The following PTPRH variants were observed in gnomAD, a reference collection of about 807,000 sequenced individuals.
The protein encoded by PTPRH is protein tyrosine phosphatase receptor type H.
A neutral mutation model predicts 130.2 loss-of-function variants in PTPRH; 113 were observed. The ratio of observed to expected loss-of-function variants is 0.87; its 90% CI spans 0.75 to 1.01. PTPRH has a LOEUF of 1.01. PTPRH is among the 50% of genes least tolerant of loss of function. The pLI, the probability that PTPRH is intolerant of heterozygous loss-of-function variation, is 0.00. For missense variants in PTPRH, 1,430 were observed against 1,425.0 expected (o/e 1.00, Z -0.06); for synonymous variants, 556 against 577.9 (o/e 0.96, Z 0.54).
intron 14 of PTPRH, among the ~76,000 whole-genome samples, chr19:55,187,092 T>C (rs557265344): frequency 4.1e-5 from 6 of 146,488 alleles, no homozygotes; most frequent in South Asian, 4.3e-4. Context: ...ACGCCCGTAA[T>C]CCCAGCACTT....
Position 55,209,274 on chromosome 19 carries a change from G to A in PTPRH, c.51+109C>T. ...CTGAAGCCCTCTTCCTTCTCCAGGG[G>A]ATCTTCAGCACCTACTTCCTCAAGA... On this transcript the variant is annotated intron_variant, in intron 1 of 19. Transcript: ENST00000376350. The surrounding 1 kb of genome is among the most constrained non-coding windows in gnomAD (Gnocchi z 4.1). The A allele has an allele frequency of 2.1e-6, 2 of 937,570 alleles. No individual in the cohort carries two copies. The highest frequency in any genetic ancestry group is 5.2e-5 in the East Asian group (2 of 38,208). The allele number at this position is 937,570 out of a possible 1,614,324, so 58.1% of individuals were successfully genotyped here. A position where few individuals can be genotyped will look rare whatever the true frequency, so the allele number is the denominator to read the frequency against.
At chr19:55,187,386 G>GAA (rs929088425) in intron 14 of PTPRH, 127 bp downstream of exon 14, 21 of 338,232 alleles carry the variant, frequency 6.2e-5, no homozygotes, top group Middle Eastern at 6.4e-4. Flanking sequence ...AAAAAAGGAA[G>GAA]AAAAAAAAAA....
At chr19:55,187,800 C>T (rs2086405663) in intron 13 of PTPRH, among the ~76,000 whole-genome samples, 197 bp from the exon 14 acceptor site, 1 of 152,044 alleles carries the variant, frequency 6.6e-6, no homozygotes, top group South Asian at 2.1e-4. Context: ...ATTTAGGGAA[C>T]CATGGGACTT....
At chr19:55,194,057 T>G in intron 10 of PTPRH, 1 of 773,670 alleles carries the variant, frequency 1.3e-6, no homozygotes, top group South Asian at 1.6e-5. Context: ...TCCATGTTCG[T>G]CAGGCTGGTC....
rs372963277 is a variant in PTPRH at position 55,182,112 on chromosome 19, G to A, written c.3102C>T (p.Asp1034=). ...VGRTGTLIAL[D]VLLRQLQSEG... ...CGGACTGCAGCTGCCGGAGCAGGAC[G>A]TCCAGGGCAATGAGGGTTCCTGTGC... The change falls in exon 19 of 20, where the codon GAC becomes GAT. Residue 1034 remains aspartate (D), a synonymous_variant. Coordinates refer to ENST00000376350, the MANE Select transcript of PTPRH (RefSeq NM_002842.5). 1.7e-5 allele frequency: 28 copies of A among 1,613,946 alleles called. No homozygotes were observed. Among genetic ancestry groups the A allele is most frequent in the Middle Eastern group, 3.3e-4 (2 of 6,084 alleles).
chr19:55,184,241 G>A (rs11671671), intron 18 of PTPRH, among the ~76,000 whole-genome samples: 7,579 of 151,702 alleles, frequency 0.05, 256 homozygotes, highest in Middle Eastern at 0.14. Context: ...CCGAGATCAT[G>A]CCACTGCACT....
intron 5 of PTPRH, 133 bp from the exon 6 acceptor site, chr19:55,202,455 G>C: frequency 2.2e-6 from 3 of 1,358,704 alleles, no homozygotes; most frequent in East Asian, 2.5e-5. Flanking sequence ...TGGCAGCCAC[G>C]AGTTCCACGT....
intron 14 of PTPRH, among the ~76,000 whole-genome samples, chr19:55,186,992 C>T (rs1292878975): frequency 1.3e-5 from 2 of 149,364 alleles, no homozygotes; most frequent in East Asian, 2.0e-4. Flanking sequence ...TTGCAGTGAG[C>T]GGAGGTGGTG....
rs1345493905 is a variant in PTPRH at position 55,181,709 on chromosome 19, C to T, written c.*45G>A. On this transcript the variant is annotated 3_prime_UTR_variant, in exon 20 of 20. Coordinates refer to ENST00000376350, the MANE Select transcript of PTPRH (RefSeq NM_002842.5). ...AGGAATCTGGGCTCAAGTGGGTGTC[C>T]AGAGCTTGAGGATGCCTGGGCTGCC... 6.2e-7 allele frequency: 1 copy of T among 1,611,422 alleles called. No homozygotes were observed. The highest frequency in any genetic ancestry group is 2.2e-5 in the East Asian group (1 of 44,874).
At position 55,186,221 on chromosome 19, in the gene PTPRH, T is replaced by A; in HGVS notation, c.2778+4A>T. 1 of 1,606,424 alleles carries A rather than the reference T, an allele frequency of 6.2e-7. No individual in the cohort carries two copies. Among genetic ancestry groups the A allele is most frequent in the South Asian group, 1.1e-5 (1 of 90,486 alleles). On this transcript the variant is annotated splice_donor_region_variant and intron_variant, in intron 16 of 19. Transcript: ENST00000376350. ...AGTCAGCACCCAGGACTCAGATCTC[T>A]CACCCGGCCGGCCTCCATGCAGTTG...
At chr19:55,184,744 G>T (rs562306870) in intron 18 of PTPRH, among the ~76,000 whole-genome samples, 1 of 151,668 alleles carries the variant, frequency 6.6e-6, no homozygotes, top group South Asian at 2.1e-4. Flanking sequence ...CTGAGATTGC[G>T]CCATTGCACT....
Position 55,197,398 on chromosome 19 carries a change from T to C in PTPRH, c.1709A>G (p.Asp570Gly), listed in dbSNP as rs1160762045. 2 of 1,612,584 alleles carry C rather than the reference T, an allele frequency of 1.2e-6. No homozygotes were observed. Among genetic ancestry groups the C allele is most frequent in the Non-Finnish European group, 1.7e-6 (2 of 1,178,652 alleles). Residue 570 changes from aspartate to glycine, a missense_variant, in exon 9 of 20, where the codon GAT becomes GGT. By Grantham distance (94) the Asp-to-Gly change is moderately conservative. Coordinates refer to ENST00000376350, the MANE Select transcript of PTPRH (RefSeq NM_002842.5). ...CTTAGTCTGAGTTTCATTCTGGAGA[T>C]CTGTGACCTCATTGGGAGCTGAGAA... ...TAATAPNEVT[D>G]LQNETQTKNS...
intron 10 of PTPRH, among the ~76,000 whole-genome samples, chr19:55,192,843 G>T (rs2086581945): frequency 3.3e-5 from 5 of 151,836 alleles, no homozygotes. Flanking sequence ...GAGCCACCAT[G>T]CCCGGCTGTT....
chr19:55,191,958 ACCT>A (rs10545294), intron 10 of PTPRH: 121,146 of 660,020 alleles, frequency 0.18, 13,990 homozygotes, highest in Admixed American at 0.4. Context: ...CCCCTCTCCT[ACCT>A]CCTCCTCCTC....
At chr19:55,201,957 A>G (rs1039954368) in intron 6 of PTPRH, 99 bp downstream of exon 6, 549 of 1,537,754 alleles carry the variant, frequency 3.6e-4, no homozygotes, top group Middle Eastern at 3.5e-4. Flanking sequence ...CTGGCTCAAT[A>G]TGGCCCAGAG....
At chr19:55,200,184 G>C in intron 7 of PTPRH, 52 bp downstream of exon 7, 1 of 1,597,354 alleles carries the variant, frequency 6.3e-7, no homozygotes, top group Non-Finnish European at 8.5e-7. Flanking sequence ...CGCCGCTCCT[G>C]CTGGTTCTTA....
Position 55,181,673 on chromosome 19 carries a change from T to G in PTPRH, c.*81A>C, listed in dbSNP as rs997746675. On this transcript the variant is annotated 3_prime_UTR_variant, in exon 20 of 20. Transcript: ENST00000376350. The stretch of plus-strand genomic sequence containing the variant: ...ACCCAGGAGTCTGGGAGCCCAGCCC[T>G]CTGCTCTTCCAGGAATCTGGGCTCA... 1.3e-6 allele frequency: 2 copies of G among 1,571,896 alleles called. No individual in the cohort carries two copies. The highest frequency in any genetic ancestry group is 2.7e-5 in the African/African-American group (2 of 74,086).
intron 2 of PTPRH, 54 bp downstream of exon 2, chr19:55,207,112 A>C: frequency 6.2e-7 from 1 of 1,608,644 alleles, no homozygotes; most frequent in South Asian, 1.1e-5. Context: ...GGCTCACGGC[A>C]GTTGCGGTCC....
intron 3 of PTPRH, 62 bp downstream of exon 3, chr19:55,206,627 C>G (rs1015707775): frequency 5.5e-6 from 8 of 1,451,194 alleles, no homozygotes; most frequent in East Asian, 4.6e-5. Flanking sequence ...TGTCAGCTCT[C>G]AACCACCCCC....
Sources: gnomAD v4.1 joint callset for allele counts (sites outside exome capture counted in the v4.1 genomes callset) on GRCh38, gnomAD v4.1.1 for gene constraint, Gnocchi (gnomAD v3.1) non-coding constraint, MANE v1.5 for transcripts, NCBI Gene and HGNC (gene_info 2026-07-23, HGNC 2026-07-21) for gene names.